Variants in ASTN1 observed in about 807,000 individuals in gnomAD.
ASTN1 encodes astrotactin-1.
ASTN1 carries 41 observed loss-of-function variants against 140.7 expected under a neutral mutation model. The observed-to-expected ratio is 0.29, with a 90% confidence interval of 0.23 to 0.38. ASTN1 has a LOEUF of 0.38. Ranked by LOEUF, ASTN1 falls within the 10% of genes least tolerant of loss-of-function variation. The pLI, the probability that ASTN1 is intolerant of heterozygous loss-of-function variation, is 1.00. For missense variants in ASTN1, 1,479 were observed against 1,678.8 expected (o/e 0.88, Z 2.08); for synonymous variants, 640 against 652.2 (o/e 0.98, Z 0.29).
chr1:176,987,830 T>C (rs753732611), intron 8 of ASTN1, among the ~76,000 whole-genome samples: 1 of 152,172 alleles, frequency 6.6e-6, no homozygotes, highest in Non-Finnish European at 1.5e-5. Flanking sequence ...TAAGAATAGC[T>C]TTGGGAATAG....
At chr1:176,916,533 A>G (rs1196106401) in intron 16 of ASTN1, among the ~76,000 whole-genome samples, 1 of 152,122 alleles carries the variant, frequency 6.6e-6, no homozygotes, top group Non-Finnish European at 1.5e-5. Context: ...ATGTCTCCCT[A>G]GGAGATTTCC....
At chr1:177,130,358 C>T (rs775698479) in intron 1 of ASTN1, among the ~76,000 whole-genome samples, 14 of 152,002 alleles carry the variant, frequency 9.2e-5, no homozygotes, top group Non-Finnish European at 2.1e-4. Flanking sequence ...GCAGACCTAT[C>T]GTATTTCAAC....
In ASTN1 at chr1:176,884,417, T is replaced by C. The variant is rs1319405602; in HGVS notation, c.3148A>G (p.Ile1050Val). The C allele has an allele frequency of 3.7e-6, 6 of 1,614,188 alleles. No individual in the cohort carries two copies. Among genetic ancestry groups the C allele is most frequent in the East Asian group, 4.5e-5 (2 of 44,874 alleles). Residue 1050 changes from isoleucine (I) to valine (V), a missense_variant, in exon 19 of 23, where the codon ATC becomes GTC. Physicochemically the swap from Ile to Val is conservative, Grantham distance 29 (BLOSUM62 3). Coordinates refer to ENST00000361833, the MANE Select transcript of ASTN1 (RefSeq NM_004319.3). ...AGGTAATCTACAATCTGCACCCCGA[T>C]TGGTGGCTCTGAGTGTTCCCACTCC... ...VLEWEHSEPP[I>V]GVQIVDYLLR...
At chr1:176,876,311 C>T (rs1018459099) in intron 21 of ASTN1, among the ~76,000 whole-genome samples, 1 of 152,118 alleles carries the variant, frequency 6.6e-6, no homozygotes, top group Non-Finnish European at 1.5e-5. Flanking sequence ...CCTATGGGCT[C>T]CCTGACTTAA....
intron 4 of ASTN1, among the ~76,000 whole-genome samples, chr1:177,030,461 C>T (rs73045480): frequency 6.6e-6 from 1 of 152,134 alleles, no homozygotes; most frequent in South Asian, 2.1e-4. Flanking sequence ...GGACAGCAGA[C>T]AGATGTGCTA....
intron 14 of ASTN1, among the ~76,000 whole-genome samples, chr1:176,940,283 T>C (rs1384401505): frequency 6.6e-6 from 1 of 152,158 alleles, no homozygotes; most frequent in African/African-American, 2.4e-5. Context: ...CAGTCTACTA[T>C]CTGTAAGTCA....
chr1:176,936,897 T>C (rs990858107), intron 14 of ASTN1, among the ~76,000 whole-genome samples: 1 of 152,210 alleles, frequency 6.6e-6, no homozygotes, highest in African/African-American at 2.4e-5. Flanking sequence ...TTTGTTCGCA[T>C]TTTGATATCT....
chr1:176,869,946 G>A (rs1668272585), intron 21 of ASTN1, among the ~76,000 whole-genome samples: 1 of 152,170 alleles, frequency 6.6e-6, no homozygotes, highest in Non-Finnish European at 1.5e-5. Flanking sequence ...TGCAAAGGCA[G>A]ATCTGTGGAG....
chr1:177,085,710 A>G (rs564247703), intron 1 of ASTN1, among the ~76,000 whole-genome samples: 5 of 152,294 alleles, frequency 3.3e-5, no homozygotes, highest in Non-Finnish European at 5.9e-5. Context: ...TAATGCATCA[A>G]TGGCCTTGTT....
intron 1 of ASTN1, among the ~76,000 whole-genome samples, chr1:177,158,477 A>G (rs1435448206): frequency 3.3e-5 from 5 of 152,184 alleles, no homozygotes; most frequent in Non-Finnish European, 7.3e-5. Context: ...TGCTCATAAC[A>G]GAGCTCTTTT....
chr1:177,107,575 G>A (rs1193098246), intron 1 of ASTN1, among the ~76,000 whole-genome samples: 4 of 152,254 alleles, frequency 2.6e-5, no homozygotes, highest in Admixed American at 6.5e-5. Context: ...GAGAGCAGAG[G>A]GATGAAGAAT....
intron 14 of ASTN1, 133 bp downstream of exon 14, chr1:176,943,758 C>T: frequency 8.4e-7 from 1 of 1,191,484 alleles, no homozygotes; most frequent in Non-Finnish European, 1.1e-6. Context: ...AGTTTTATGG[C>T]TGAGCTTTTA....
intron 18 of ASTN1, among the ~76,000 whole-genome samples, chr1:176,885,746 G>T (rs978949547): frequency 6.6e-6 from 1 of 152,150 alleles, no homozygotes; most frequent in Non-Finnish European, 1.5e-5. Flanking sequence ...GGGATGCAGT[G>T]GTGCACAAGC....
At chr1:177,033,796 C>G (rs746211517) in intron 2 of ASTN1, among the ~76,000 whole-genome samples, 1 of 152,088 alleles carries the variant, frequency 6.6e-6, no homozygotes, top group South Asian at 2.1e-4. Flanking sequence ...ACCACTCTGT[C>G]GACTGCCAGA....
intron 22 of ASTN1, 118 bp from the exon 23 acceptor site, chr1:176,864,639 C>T: frequency 2.1e-6 from 3 of 1,431,674 alleles, no homozygotes; most frequent in South Asian, 2.9e-5. Flanking sequence ...GTGTTTTGCT[C>T]CCTATTTTAT....
At chr1:177,014,689 C>T in intron 8 of ASTN1, 102 bp downstream of exon 8, 2 of 1,052,110 alleles carry the variant, frequency 1.9e-6, no homozygotes, top group Middle Eastern at 2.2e-4. Flanking sequence ...AGAATATAGC[C>T]ACCCTTTAGC....
At chr1:177,015,576 T>C (rs1311182726) in intron 7 of ASTN1, among the ~76,000 whole-genome samples, 2 of 152,244 alleles carry the variant, frequency 1.3e-5, no homozygotes, top group African/African-American at 2.4e-5. Flanking sequence ...AAGAATCATC[T>C]ACAATTCCAC....
At chr1:176,949,610 G>A (rs1672109428) in intron 11 of ASTN1, among the ~76,000 whole-genome samples, 1 of 152,348 alleles carries the variant, frequency 6.6e-6, no homozygotes, top group East Asian at 1.9e-4. Flanking sequence ...CTGGAAGAGA[G>A]CACTGTAGCA....
intron 6 of ASTN1, 115 bp downstream of exon 6, chr1:177,024,468 T>C: frequency 1.5e-6 from 2 of 1,350,718 alleles, no homozygotes; most frequent in Admixed American, 4.7e-5. Flanking sequence ...TTCAGTTTGG[T>C]TTTCCCCCGG....
Sources: allele counts gnomAD v4.1 joint callset (sites outside exome capture counted in the v4.1 genomes callset), GRCh38; gene constraint gnomAD v4.1.1; transcripts MANE v1.5; gene names NCBI Gene and HGNC (gene_info 2026-07-23, HGNC 2026-07-21).